Variants in RP1 observed in about 807,000 individuals in gnomAD.
RP1 encodes the protein RP1 axonemal microtubule associated, also known as oxygen-regulated protein 1.
Under a neutral mutation model 14.8 loss-of-function variants are expected in RP1, and 16 were observed. The ratio of observed to expected loss-of-function variants is 1.08; its 90% CI spans 0.73 to 1.65. The LOEUF (loss-of-function observed/expected upper bound fraction) is 1.65, where lower values mean the gene tolerates loss of function less well. Among genes scored for constraint, RP1 ranks in the 40% most tolerant of loss-of-function variants. The pLI is 0.00. For missense variants in RP1, 2,631 were observed against 2,535.0 expected (o/e 1.04, Z -0.81); for synonymous variants, 876 against 883.6 (o/e 0.99, Z 0.15).
In RP1 at chr8:54,624,977, T is replaced by C; in HGVS notation, c.1095T>C (p.Ser365=). The change falls in exon 4 of 4, where the codon AGT becomes AGC. Residue 365 remains serine, a synonymous_variant. Coordinates refer to ENST00000220676, the MANE Select transcript of RP1 (RefSeq NM_006269.2). The stretch of plus-strand genomic sequence containing the variant: ...GTCCTTCTAATAATGATGAAAAGAG[T>C]GAGATGAGTTTTCCAGGAAGAACAG... ...KTGPSNNDEK[S]EMSFPGRTES... The C allele has an allele frequency of 1.2e-6, 2 of 1,613,734 alleles. No homozygotes were observed. Among genetic ancestry groups the C allele is most frequent in the East Asian group, 2.2e-5 (1 of 44,872 alleles).
intron 16 of RP1, among the ~76,000 whole-genome samples, chr8:54,721,098 T>C (rs1488290742): frequency 1.3e-5 from 2 of 152,254 alleles, no homozygotes. Flanking sequence ...CCACAGAAGA[T>C]AGCTTAGAAT....
rs750655883 is a variant in RP1 at position 54,628,123 on chromosome 8, A to G, written c.4241A>G (p.His1414Arg). ...SEKEAELDKK[H>R]SSLDDFENCS... ...AAAGAAGCAGAACTTGATAAGAAAC[A>G]TAGTTCTCTAGATGATTTTGAAAAT... The change falls in exon 4 of 4, where the codon CAT becomes CGT. Residue 1414 changes from histidine (H) to arginine (R), a missense_variant. By Grantham distance (29) the His-to-Arg change is conservative (BLOSUM62 0). Transcript: ENST00000220676. The G allele has an allele frequency of 3.7e-6, 6 of 1,614,012 alleles. No homozygotes were observed. Among genetic ancestry groups the G allele is most frequent in the Admixed American group, 3.3e-5 (2 of 60,022 alleles).
chr8:54,783,374 T>C (rs568724686), intron 23 of RP1, among the ~76,000 whole-genome samples: 29 of 152,346 alleles, frequency 1.9e-4, no homozygotes, highest in African/African-American at 5.8e-4. Context: ...TTTCCAAAAC[T>C]TTTTTATATG....
At chr8:54,826,282 T>C (rs1214970652) in intron 24 of RP1, among the ~76,000 whole-genome samples, 2 of 152,132 alleles carry the variant, frequency 1.3e-5, no homozygotes, top group Admixed American at 6.5e-5. Context: ...GAAAGACAAG[T>C]CCTTGATGCA....
At chr8:54,762,105 T>A (rs914398015) in intron 22 of RP1, among the ~76,000 whole-genome samples, 2 of 151,782 alleles carry the variant, frequency 1.3e-5, no homozygotes, top group African/African-American at 4.8e-5. Flanking sequence ...CTGGGTAGGG[T>A]ATGATGCTGG....
intron 6 of RP1, among the ~76,000 whole-genome samples, chr8:54,659,050 A>G (rs891654559): frequency 9.2e-5 from 14 of 152,078 alleles, no homozygotes; most frequent in Admixed American, 7.2e-4. Flanking sequence ...CTCTTTGCCT[A>G]TTTTTAAATT....
intron 1 of RP1, among the ~76,000 whole-genome samples, chr8:54,562,255 A>G (rs899563078): frequency 1.3e-5 from 2 of 152,264 alleles, no homozygotes; most frequent in African/African-American, 4.8e-5. Context: ...TTTCATTAAA[A>G]AAGGAAAGAC....
chr8:54,760,012 C>T (rs1809600872), intron 22 of RP1, among the ~76,000 whole-genome samples: 1 of 151,986 alleles, frequency 6.6e-6, no homozygotes, highest in African/African-American at 2.4e-5. Flanking sequence ...CGGATTTAGC[C>T]AAGAAAATTG....
intron 12 of RP1, among the ~76,000 whole-genome samples, chr8:54,693,382 G>A (rs921027614): frequency 7.9e-5 from 12 of 152,106 alleles, no homozygotes; most frequent in African/African-American, 2.9e-4. Context: ...GATGGGGATG[G>A]CCTTGAATCT....
At chr8:54,810,125 T>C (rs1810954832) in intron 24 of RP1, among the ~76,000 whole-genome samples, 1 of 152,192 alleles carries the variant, frequency 6.6e-6, no homozygotes, top group African/African-American at 2.4e-5. Flanking sequence ...TTCTGGTTTT[T>C]CAGAAAAAAT....
chr8:54,602,505 A>G (rs1049635683), intron 1 of RP1, among the ~76,000 whole-genome samples: 1 of 152,092 alleles, frequency 6.6e-6, no homozygotes, highest in Non-Finnish European at 1.5e-5. Context: ...ATACATGTGT[A>G]TGTGTCTTTA....
intron 3 of RP1, chr8:54,648,969 AT>A (rs1199922786): frequency 4.0e-6 from 6 of 1,484,292 alleles, no homozygotes; most frequent in Non-Finnish European, 5.3e-6. Flanking sequence ...GCTGTATGTT[AT>A]TTTTTCTTTT....
chr8:54,821,196 G>T (rs1235113037), intron 24 of RP1, among the ~76,000 whole-genome samples: 1 of 152,054 alleles, frequency 6.6e-6, no homozygotes. Context: ...GAAAAAACAA[G>T]GGGAAATATA....
rs1205346213 is a variant in RP1 at position 54,630,341 on chromosome 8, A to G, written c.6459A>G (p.Gln2153=). ...NLTDLESSRE[Q]EDL ...CTGATCTTGAAAGCAGTAGAGAACA[A>G]GAAGATTTATAATTTCAATATCAGC... The change falls in exon 4 of 4, where the codon CAA becomes CAG. Residue 2153 remains glutamine, a synonymous_variant. Transcript: ENST00000220676. 1 of 1,613,734 alleles carries G rather than the reference A, an allele frequency of 6.2e-7. No homozygotes were observed. The highest frequency in any genetic ancestry group is 1.7e-5 in the Admixed American group (1 of 60,008).
At chr8:54,686,072 T>A (rs1189505687) in intron 12 of RP1, among the ~76,000 whole-genome samples, 4 of 152,204 alleles carry the variant, frequency 2.6e-5, no homozygotes, top group African/African-American at 7.2e-5. Flanking sequence ...GTTTCTAGCA[T>A]CTTAATATGC....
intron 21 of RP1, among the ~76,000 whole-genome samples, chr8:54,757,269 A>G (rs11987234): frequency 0.28 from 43,205 of 152,154 alleles, 6,368 homozygotes; most frequent in South Asian, 0.38. Context: ...TCCTGGCACG[A>G]TAATAAAACA....
At chr8:54,576,418 T>A (rs1404729789) in intron 1 of RP1, among the ~76,000 whole-genome samples, 2 of 152,226 alleles carry the variant, frequency 1.3e-5, no homozygotes, top group Non-Finnish European at 2.9e-5. Flanking sequence ...AACAACTTCA[T>A]TTGCAGCCAC....
At chr8:54,734,714 C>T in exon 18 of RP1, 1 of 1,534,510 alleles carries the variant, frequency 6.5e-7, no homozygotes, top group Non-Finnish European at 8.7e-7. Context: ...CAGAGCAGCT[C>T]TTCCTTCCAG....
chr8:54,694,185 G>T, intron 12 of RP1, among the ~76,000 whole-genome samples: 1 of 152,160 alleles, frequency 6.6e-6, no homozygotes, highest in Non-Finnish European at 1.5e-5. Context: ...GATCATAGTG[G>T]ATAAGCTTTT....
Sources: gnomAD v4.1 joint callset for allele counts (sites outside exome capture counted in the v4.1 genomes callset) on GRCh38, gnomAD v4.1.1 for gene constraint, MANE v1.5 for transcripts, NCBI Gene and HGNC (gene_info 2026-07-23, HGNC 2026-07-21) for gene names.